Variants in RBFOX1 observed in about 807,000 individuals in gnomAD.
RBFOX1 encodes RNA binding fox-1 homolog 1.
A neutral mutation model predicts 57.7 loss-of-function variants in RBFOX1; 8 were observed. That is an observed-to-expected ratio of 0.14 (90% confidence interval 0.08 to 0.25). RBFOX1 has a LOEUF of 0.25. Among genes scored for constraint, RBFOX1 ranks in the 10% least tolerant of loss-of-function variants. RBFOX1 has a pLI of 1.00. For missense variants in RBFOX1, 611 were observed against 548.5 expected, an observed-to-expected ratio of 1.11 and a Z score of -1.14; for synonymous variants, 326 against 222.4, an observed-to-expected ratio of 1.47 and a Z score of -4.15.
chr16:5,995,483 AT>A (rs771104795), intron 4 of RBFOX1, among the ~76,000 whole-genome samples: 2 of 152,210 alleles, frequency 1.3e-5, no homozygotes, highest in African/African-American at 4.8e-5. Context: ...GAGAAAAAAA[AT>A]AAATCTTTTT....
At chr16:6,815,236 C>T (rs1001870071) in intron 3 of RBFOX1, among the ~76,000 whole-genome samples, 2 of 152,122 alleles carry the variant, frequency 1.3e-5, no homozygotes, top group African/African-American at 4.8e-5. Context: ...GACCAGAGAT[C>T]ACTCTCATTG....
chr16:6,912,285 C>T (rs2071834952), intron 3 of RBFOX1, among the ~76,000 whole-genome samples: 1 of 152,148 alleles, frequency 6.6e-6, no homozygotes. Context: ...GGTTGCTGTG[C>T]TCAGCCCCAG....
chr16:6,865,156 C>A (rs527476511), intron 3 of RBFOX1, among the ~76,000 whole-genome samples: 1 of 151,672 alleles, frequency 6.6e-6, no homozygotes, highest in Non-Finnish European at 1.5e-5. Flanking sequence ...GTGCCCACCA[C>A]CACTCCTGGG....
chr16:7,448,472 C>T (rs989642305), intron 4 of RBFOX1, among the ~76,000 whole-genome samples: 1 of 152,134 alleles, frequency 6.6e-6, no homozygotes, highest in African/African-American at 2.4e-5. Flanking sequence ...TGCAGGGCAG[C>T]TTCCCTTAAT....
At chr16:7,677,974 C>G (rs1439027608) in intron 14 of RBFOX1, among the ~76,000 whole-genome samples, 2 of 152,128 alleles carry the variant, frequency 1.3e-5, no homozygotes, top group Admixed American at 1.3e-4. Context: ...GTGGTGTTAG[C>G]TAATTGTAGC....
chr16:7,537,077 A>G (rs1003318622), intron 5 of RBFOX1, among the ~76,000 whole-genome samples: 1 of 152,330 alleles, frequency 6.6e-6, no homozygotes. Flanking sequence ...GATTTTAAGC[A>G]GAAAGAATCC....
intron 3 of RBFOX1, among the ~76,000 whole-genome samples, chr16:7,000,137 G>A (rs780387881): frequency 2.3e-4 from 35 of 150,756 alleles, no homozygotes; most frequent in Non-Finnish European, 4.6e-4. Flanking sequence ...AAAGTTTTCA[G>A]TACTTACAAT....
At chr16:6,894,051 G>A (rs530295403) in intron 3 of RBFOX1, among the ~76,000 whole-genome samples, 1 of 152,222 alleles carries the variant, frequency 6.6e-6, no homozygotes, top group Non-Finnish European at 1.5e-5. Flanking sequence ...TTCTTCCTTT[G>A]CATAATACTG....
At chr16:5,599,274 C>T (rs1053632295) in exon 3 of RBFOX1, 23 of 650,070 alleles carry the variant, frequency 3.5e-5, no homozygotes, top group Admixed American at 2.5e-4. Flanking sequence ...GGTCCCTCTG[C>T]GCCCTGGTGT....
intron 3 of RBFOX1, among the ~76,000 whole-genome samples, chr16:5,784,707 G>T (rs187213068): frequency 4.1e-4 from 62 of 152,246 alleles, no homozygotes; most frequent in Admixed American, 4.1e-3. Context: ...CCTTTCAGGG[G>T]TAATTAAATC....
At chr16:6,463,233 G>T (rs568681706) in intron 2 of RBFOX1, among the ~76,000 whole-genome samples, 96 of 152,144 alleles carry the variant, frequency 6.3e-4, no homozygotes, top group Non-Finnish European at 8.7e-4. Context: ...TCCTGTAAAG[G>T]GTAGTCAGAT....
intron 4 of RBFOX1, among the ~76,000 whole-genome samples, chr16:5,950,726 G>A (rs1039395301): frequency 5.3e-5 from 8 of 152,196 alleles, no homozygotes; most frequent in African/African-American, 1.9e-4. Context: ...GGCACCTACT[G>A]GGTACTCATT....
At chr16:7,526,896 T>C (rs1347118407) in intron 5 of RBFOX1, among the ~76,000 whole-genome samples, 1 of 152,118 alleles carries the variant, frequency 6.6e-6, no homozygotes, top group Non-Finnish European at 1.5e-5. Context: ...AGACCAAAAT[T>C]CTTAAGGGCT....
chr16:6,984,390 C>T (rs970471550), intron 3 of RBFOX1, among the ~76,000 whole-genome samples: 2 of 152,166 alleles, frequency 1.3e-5, no homozygotes, highest in African/African-American at 4.8e-5. Flanking sequence ...TACAGCACTA[C>T]TGAGCATCCT....
At chr16:6,633,723 C>G (rs1354755431) in intron 2 of RBFOX1, among the ~76,000 whole-genome samples, 1 of 152,136 alleles carries the variant, frequency 6.6e-6, no homozygotes, top group African/African-American at 2.4e-5. Context: ...GGAATCGAGG[C>G]TCTAGCCAGG....
At chr16:6,775,638 C>A (rs1265512028) in intron 3 of RBFOX1, 2 of 152,120 alleles carry the variant, frequency 1.3e-5, no homozygotes, top group African/African-American at 2.4e-5. Context: ...CTCTCTGTCC[C>A]CTTACAGAGA....
intron 4 of RBFOX1, among the ~76,000 whole-genome samples, chr16:7,069,363 C>CA (rs2056844345): frequency 6.6e-6 from 1 of 152,068 alleles, no homozygotes; most frequent in African/African-American, 2.4e-5. Flanking sequence ...TCAGTCTCCC[C>CA]AAAGAGGCCC....
intron 7 of RBFOX1, among the ~76,000 whole-genome samples, chr16:7,589,197 C>T (rs2094303491): frequency 6.6e-6 from 1 of 152,134 alleles, no homozygotes; most frequent in Non-Finnish European, 1.5e-5. Context: ...TCGTTCTGAC[C>T]CTAGGTCTGT....
chr16:5,753,733 C>G (rs899457226), intron 3 of RBFOX1, among the ~76,000 whole-genome samples: 1 of 152,126 alleles, frequency 6.6e-6, no homozygotes, highest in Non-Finnish European at 1.5e-5. Flanking sequence ...GGTTGTTAAG[C>G]GTTTACCAGC....
Sources: allele counts gnomAD v4.1 joint callset (sites outside exome capture counted in the v4.1 genomes callset), GRCh38; gene constraint gnomAD v4.1.1; transcripts MANE v1.5; gene names NCBI Gene and HGNC (gene_info 2026-07-23, HGNC 2026-07-21).